RARB: variants seen among roughly 807,000 people sequenced by gnomAD.
RARB encodes HBV-activated protein.
A neutral mutation model predicts 51.9 loss-of-function variants in RARB; 17 were observed. The ratio of observed to expected loss-of-function variants is 0.33; its 90% confidence interval spans 0.22 to 0.49. The LOEUF (loss-of-function observed/expected upper bound fraction) is 0.49. Among genes scored for constraint, RARB ranks in the 20% least tolerant of loss-of-function variants. The pLI is 0.99. For synonymous variants in RARB, 215 were observed against 195.4 expected (o/e 1.10, Z -0.84); for missense variants, 369 against 550.8 (o/e 0.67, Z 3.30).
chr3:25,506,342 A>C (rs1337574423), intron 3 of RARB, among the ~76,000 whole-genome samples: 1 of 151,812 alleles, frequency 6.6e-6, no homozygotes, highest in Admixed American at 6.6e-5. Flanking sequence ...GCAGTAGCTC[A>C]CACTTGCAAT....
intron 3 of RARB, among the ~76,000 whole-genome samples, chr3:25,091,497 T>A (rs1699198226): frequency 1.3e-5 from 2 of 152,202 alleles, no homozygotes; most frequent in Non-Finnish European, 2.9e-5. Context: ...CGTTGCTTTA[T>A]GCCTTCTACG....
intron 5 of RARB, among the ~76,000 whole-genome samples, chr3:25,304,398 T>C (rs1022036360): frequency 6.6e-6 from 1 of 152,226 alleles, no homozygotes; most frequent in Admixed American, 6.5e-5. Flanking sequence ...CCCACCTCTA[T>C]GACATGTCTG....
intron 2 of RARB, among the ~76,000 whole-genome samples, chr3:24,908,615 A>C (rs1402854024): frequency 6.7e-6 from 1 of 150,362 alleles, no homozygotes; most frequent in South Asian, 2.1e-4. Context: ...AGATAAACAT[A>C]AAGGCTTTCT....
chr3:24,931,338 G>C (rs1366827302), intron 2 of RARB, among the ~76,000 whole-genome samples: 3 of 152,002 alleles, frequency 2.0e-5, no homozygotes, highest in Admixed American at 2.0e-4. Context: ...ACAGTTCTTG[G>C]TATGTCACTT....
intron 5 of RARB, among the ~76,000 whole-genome samples, chr3:25,321,069 C>T (rs1704556298): frequency 6.6e-6 from 1 of 152,164 alleles, no homozygotes; most frequent in Non-Finnish European, 1.5e-5. Context: ...AGTGGTATAA[C>T]CCCGGTGTGG....
intron 2 of RARB, among the ~76,000 whole-genome samples, chr3:25,015,540 T>C (rs1413174838): frequency 6.6e-6 from 1 of 152,194 alleles, no homozygotes; most frequent in Non-Finnish European, 1.5e-5. Context: ...AACTTCTTGA[T>C]AGGACCTGTC....
intron 3 of RARB, among the ~76,000 whole-genome samples, chr3:25,131,167 C>G (rs1699947895): frequency 6.6e-6 from 1 of 151,682 alleles, no homozygotes; most frequent in Non-Finnish European, 1.5e-5. Flanking sequence ...GAAATCAAAC[C>G]CAAAAGTTAT....
At chr3:24,989,777 T>TC in intron 2 of RARB, among the ~76,000 whole-genome samples, 1 of 12,076 alleles carries the variant, frequency 8.3e-5, no homozygotes, top group Non-Finnish European at 1.4e-4. Flanking sequence ...TGTTTTTCTT[T>TC]TTTTTTTTTT....
rs1409718261 is a variant in RARB at position 24,908,346 on chromosome 3, T to A, written c.-380+49594T>A. Among the ~76,000 whole-genome samples the A allele has an allele frequency of 3.3e-5, 5 of 152,020 alleles. No homozygotes were observed. The South Asian group carries it at 6.2e-4, about 19-fold the overall frequency. On this transcript the variant is annotated intron_variant, in intron 2 of 11. Coordinates refer to the RARB transcript ENST00000383772. ...GCAAATGCCTATTTTTTAAAAAATA[T>A]GTACCAGTAGAATCTACACTAGAAG...
chr3:25,047,276 T>G (rs1221159523), intron 2 of RARB, among the ~76,000 whole-genome samples: 1 of 152,206 alleles, frequency 6.6e-6, no homozygotes, highest in Admixed American at 6.5e-5. Context: ...ATTAGTCAGC[T>G]GAGTAATTAT....
intron 5 of RARB, among the ~76,000 whole-genome samples, chr3:25,387,091 G>A (rs1423832474): frequency 6.6e-6 from 1 of 152,204 alleles, no homozygotes; most frequent in South Asian, 2.1e-4. Flanking sequence ...GTTAGCAATT[G>A]TCACTCTTGA....
intron 1 of RARB, among the ~76,000 whole-genome samples, chr3:24,850,258 A>C (rs1370421601): frequency 6.6e-6 from 1 of 152,224 alleles, no homozygotes; most frequent in East Asian, 1.9e-4. Context: ...CCATAGCAAC[A>C]GTCACCCATT....
At chr3:25,028,261 T>A (rs1449812035) in intron 2 of RARB, among the ~76,000 whole-genome samples, 1 of 152,202 alleles carries the variant, frequency 6.6e-6, no homozygotes. Context: ...GTCATTTGTC[T>A]TAACAAGTCC....
chr3:25,312,694 C>T (rs1704318757), intron 5 of RARB, among the ~76,000 whole-genome samples: 1 of 152,122 alleles, frequency 6.6e-6, no homozygotes, highest in Admixed American at 6.6e-5. Flanking sequence ...TTTTTAACAA[C>T]ATTTAAAAAT....
chr3:24,908,663 GT>G (rs59008287), intron 2 of RARB, among the ~76,000 whole-genome samples: 3,285 of 93,132 alleles, frequency 0.035, 43 homozygotes, highest in Middle Eastern at 0.041. Context: ...AACCACAACT[GT>G]TTTTTTTTTT....
rs758200423 is a variant in RARB at position 25,157,380 on chromosome 3, G to GTGTGTGTGTGTA, written c.-279-16738_-279-16737insGTGTGTGTGTAT. ...TGTGTGTGTGTGTGTGTGTGTGTGT[G>GTGTGTGTGTGTA]TATATATATGGTTTTTTTTGTTGTT... On this transcript the variant is annotated intron_variant, in intron 4 of 11. Coordinates refer to the RARB transcript ENST00000383772. Among the ~76,000 whole-genome samples, 372 of 146,744 alleles carry GTGTGTGTGTGTA rather than the reference G, an allele frequency of 2.5e-3. 2 individuals carry two copies. In the South Asian group the frequency reaches 0.027, roughly 11 times the overall value.
chr3:24,943,756 G>A, intron 2 of RARB, among the ~76,000 whole-genome samples: 1 of 152,170 alleles, frequency 6.6e-6, no homozygotes, highest in East Asian at 1.9e-4. Flanking sequence ...TCCATTTTCT[G>A]AATAAGCAGA....
At chr3:24,837,529 T>A (rs1471685773) in intron 1 of RARB, among the ~76,000 whole-genome samples, 1 of 152,220 alleles carries the variant, frequency 6.6e-6, no homozygotes, top group African/African-American at 2.4e-5. Flanking sequence ...GCTTTTTGCT[T>A]GCTTCACATA....
intron 5 of RARB, among the ~76,000 whole-genome samples, chr3:25,380,337 C>A (rs947592511): frequency 6.6e-6 from 1 of 152,164 alleles, no homozygotes; most frequent in Non-Finnish European, 1.5e-5. Context: ...TAATCTAAAA[C>A]AGAACGTTCA....
Sources: allele counts gnomAD v4.1 joint callset (sites outside exome capture counted in the v4.1 genomes callset), GRCh38; gene constraint gnomAD v4.1.1; transcripts MANE v1.5; gene names NCBI Gene and HGNC (gene_info 2026-07-23, HGNC 2026-07-21).